R3HDM2: variants seen among roughly 807,000 people sequenced by gnomAD.
R3HDM2 encodes R3H domain containing 2.
A neutral mutation model predicts 124.5 loss-of-function variants in R3HDM2; 38 were observed. That is an observed-to-expected ratio of 0.31 (90% CI 0.24 to 0.40). The LOEUF (loss-of-function observed/expected upper bound fraction) is 0.40. Ranked by LOEUF, R3HDM2 falls within the 10% of genes least tolerant of loss-of-function variation. The probability of loss-of-function intolerance (pLI) is 1.00; values close to 1 mark genes in which losing one functional copy is unlikely to be tolerated. For synonymous variants in R3HDM2, 391 were observed against 448.0 expected (o/e 0.87, Z 1.61); for missense variants, 869 against 1,236.9 (o/e 0.70, Z 4.46).
intron 2 of R3HDM2, among the ~76,000 whole-genome samples, chr12:57,329,054 A>G (rs2057732363): frequency 6.6e-6 from 1 of 152,196 alleles, no homozygotes; most frequent in Admixed American, 6.5e-5. Flanking sequence ...AAAAACACAC[A>G]CTAAGTATAA....
intron 2 of R3HDM2, among the ~76,000 whole-genome samples, chr12:57,381,820 G>C (rs1024775593): frequency 6.6e-6 from 1 of 151,696 alleles, no homozygotes; most frequent in Non-Finnish European, 1.5e-5. Context: ...GAGAGAGAGA[G>C]AGACAGAGAC....
In R3HDM2 at chr12:57,254,116, T is replaced by C. The variant is rs1479393060; in HGVS notation, c.*657A>G. On this transcript the variant is annotated 3_prime_UTR_variant, in exon 24 of 24. Coordinates refer to ENST00000402412, the MANE Select transcript of R3HDM2 (RefSeq NM_001394031.1). ...AAGGAAGCTTGGGATGTTAAGGTAA[T>C]AGGAGGACAGTGTGGGACTTTCCCA... 1 of 452,168 alleles carries C rather than the reference T, an allele frequency of 2.2e-6. No homozygotes were observed. Among genetic ancestry groups the C allele is most frequent in the African/African-American group, 2.0e-5 (1 of 49,570 alleles). 28.0% of individuals were successfully genotyped at this position (452,168 alleles called of 1,614,324 possible).
At chr12:57,279,535 G>A (rs1478424702) in intron 14 of R3HDM2, among the ~76,000 whole-genome samples, 2 of 150,728 alleles carry the variant, frequency 1.3e-5, no homozygotes, top group Non-Finnish European at 3.0e-5. Flanking sequence ...AGGCATGGTG[G>A]CTCATGCCTG....
At chr12:57,428,446 A>G (rs974269251) in intron 1 of R3HDM2, among the ~76,000 whole-genome samples, 2 of 149,292 alleles carry the variant, frequency 1.3e-5, no homozygotes, top group African/African-American at 4.9e-5. Flanking sequence ...CCTGGCTAAC[A>G]CAGTGAAACC....
Position 57,254,077 on chromosome 12 carries a change from A to G in R3HDM2, c.*696T>C, listed in dbSNP as rs2038192765. Reference sequence around the variant, plus strand: ...TCTGTCCATATAAATATATTCATAAAGACCAAAAAAGGAAAGGAAGCTTGG... The same window carrying G: ...TCTGTCCATATAAATATATTCATAAGGACCAAAAAAGGAAAGGAAGCTTGG... On this transcript the variant is annotated 3_prime_UTR_variant, in exon 24 of 24. Transcript: ENST00000402412. The G allele has an allele frequency of 2.4e-6, 1 of 424,056 alleles. No homozygotes were observed. The highest frequency in any genetic ancestry group is 2.1e-5 in the African/African-American group (1 of 47,510). 26.3% of individuals were successfully genotyped at this position (424,056 alleles called of 1,614,324 possible). A position where few individuals can be genotyped will look rare whatever the true frequency, so the allele number is the denominator to read the frequency against.
At chr12:57,272,375 C>T in intron 14 of R3HDM2, 1 of 1,220,510 alleles carries the variant, frequency 8.2e-7, no homozygotes, top group Non-Finnish European at 1.2e-6. Flanking sequence ...CTTACAAGGC[C>T]ATCACAGACT....
chr12:57,265,769 T>C (rs2137264216), intron 19 of R3HDM2, among the ~76,000 whole-genome samples: 1 of 151,270 alleles, frequency 6.6e-6, no homozygotes, highest in East Asian at 1.9e-4. Context: ...GAGCAGCTGT[T>C]ACTACTGGGT....
intron 1 of R3HDM2, among the ~76,000 whole-genome samples, chr12:57,409,322 A>C (rs1404834538): frequency 6.6e-6 from 1 of 152,116 alleles, no homozygotes; most frequent in Non-Finnish European, 1.5e-5. Context: ...AGATCACACC[A>C]AAACAGTCTC....
At chr12:57,407,009 G>A (rs1440184875) in intron 1 of R3HDM2, among the ~76,000 whole-genome samples, 2 of 152,174 alleles carry the variant, frequency 1.3e-5, no homozygotes, top group Non-Finnish European at 2.9e-5. Flanking sequence ...AGCACTTTGA[G>A]AGGCCAAGGC....
At chr12:57,307,546 C>A (rs2052921149) in intron 3 of R3HDM2, among the ~76,000 whole-genome samples, 2 of 151,944 alleles carry the variant, frequency 1.3e-5, no homozygotes, top group South Asian at 2.1e-4. Context: ...GTCTCGAACT[C>A]CTGACCTCAA....
chr12:57,291,640 C>T (rs1328123920), intron 11 of R3HDM2, among the ~76,000 whole-genome samples: 12 of 145,412 alleles, frequency 8.3e-5, no homozygotes, highest in Non-Finnish European at 1.1e-4. Context: ...GGTGACAAAG[C>T]GAAACCCTAT....
intron 2 of R3HDM2, among the ~76,000 whole-genome samples, chr12:57,371,633 T>C (rs1442983166): frequency 1.3e-5 from 2 of 152,202 alleles, no homozygotes; most frequent in Non-Finnish European, 2.9e-5. Context: ...TTTAACATTG[T>C]GCTTCTCATA....
intron 11 of R3HDM2, among the ~76,000 whole-genome samples, chr12:57,292,135 A>G (rs919428830): frequency 6.6e-6 from 1 of 152,198 alleles, no homozygotes; most frequent in Non-Finnish European, 1.5e-5. Flanking sequence ...ATATCCTAAA[A>G]ATGAGGCTGG....
At chr12:57,312,128 A>T (rs576632656) in intron 2 of R3HDM2, among the ~76,000 whole-genome samples, 1 of 152,310 alleles carries the variant, frequency 6.6e-6, no homozygotes, top group East Asian at 1.9e-4. Context: ...CTAGAAATGG[A>T]ATTAAATAAA....
intron 14 of R3HDM2, among the ~76,000 whole-genome samples, chr12:57,273,481 G>A (rs1007350679): frequency 2.6e-5 from 4 of 152,052 alleles, no homozygotes; most frequent in African/African-American, 9.7e-5. Context: ...AAGGAAGGGG[G>A]GAAAATAACA....
intron 19 of R3HDM2, among the ~76,000 whole-genome samples, chr12:57,266,106 CT>C (rs74991749): frequency 0.012 from 1,357 of 111,104 alleles, 11 homozygotes; most frequent in African/African-American, 0.039. Flanking sequence ...CATAATTTTT[CT>C]TTTTTTTTTT....
In R3HDM2 at chr12:57,297,252, C is replaced by G. The variant is rs186020087; in HGVS notation, c.560+76G>C. The stretch of plus-strand genomic sequence containing the variant: ...AAAAATCACACTTCAAGGGGAACAT[C>G]TCCTAAAATTGTACCTAAATTTATT... On this transcript the variant is annotated intron_variant, in intron 8 of 23. Coordinates refer to ENST00000402412, the MANE Select transcript of R3HDM2 (RefSeq NM_001394031.1). 339 of 775,282 alleles carry G rather than the reference C, an allele frequency of 4.4e-4. 1 individual carries two copies. Among genetic ancestry groups the G allele is most frequent in the African/African-American group, 2.2e-3 (124 of 56,048 alleles). The allele number at this position is 775,282 out of a possible 1,614,324, so 48.0% of individuals were successfully genotyped here. A position where few individuals can be genotyped will look rare whatever the true frequency, so the allele number is the denominator to read the frequency against.
At chr12:57,395,461 C>T (rs2138821896) in intron 2 of R3HDM2, among the ~76,000 whole-genome samples, 1 of 152,158 alleles carries the variant, frequency 6.6e-6, no homozygotes, top group Non-Finnish European at 1.5e-5. Context: ...TGAGATGGCG[C>T]CACTGCACTC....
intron 1 of R3HDM2, among the ~76,000 whole-genome samples, chr12:57,428,508 G>T (rs1868571218): frequency 1.3e-5 from 2 of 148,536 alleles, no homozygotes; most frequent in African/African-American, 5.0e-5. Context: ...GGGGTGTGGT[G>T]GGGGGCGTGG....
Sources: allele counts gnomAD v4.1 joint callset (sites outside exome capture counted in the v4.1 genomes callset), GRCh38; gene constraint gnomAD v4.1.1; transcripts MANE v1.5; gene names NCBI Gene and HGNC (gene_info 2026-07-23, HGNC 2026-07-21).